MAP7D1: variants seen among roughly 807,000 people sequenced by gnomAD.
MAP7D1 encodes the protein MAP7 domain containing 1.
A neutral mutation model predicts 97.5 loss-of-function variants in MAP7D1; 30 were observed. The ratio of observed to expected loss-of-function variants is 0.31; its 90% CI spans 0.23 to 0.42. The LOEUF (loss-of-function observed/expected upper bound fraction) is 0.42, where lower values mean the gene tolerates loss of function less well. MAP7D1 is among the 10% of genes least tolerant of loss of function. MAP7D1 has a pLI of 1.00. For missense variants in MAP7D1, 1,184 were observed against 1,179.5 expected (o/e 1.00, Z -0.06); for synonymous variants, 536 against 477.1 (o/e 1.12, Z -1.61).
chr1:36,162,251 C>T (rs1461104611), intron 1 of MAP7D1, among the ~76,000 whole-genome samples: 1 of 152,172 alleles, frequency 6.6e-6, no homozygotes, highest in East Asian at 1.9e-4. Flanking sequence ...CTGTTCTCCC[C>T]TACCTCACTT....
At chr1:36,165,923 T>G (rs1182574147) in intron 1 of MAP7D1, among the ~76,000 whole-genome samples, 1 of 151,952 alleles carries the variant, frequency 6.6e-6, no homozygotes, top group African/African-American at 2.4e-5. Flanking sequence ...GTAGACGGGA[T>G]TTCGCCATTG....
At position 36,178,730 on chromosome 1, in the gene MAP7D1, G is replaced by A. The variant is rs1255475440; in HGVS notation, c.1932G>A (p.Ala644=). 2 of 1,541,534 alleles carry A rather than the reference G, an allele frequency of 1.3e-6. No homozygotes were observed. The highest frequency in any genetic ancestry group is 1.7e-6 in the Non-Finnish European group (2 of 1,143,840). ...TGGCACGGGAGGCCGAGGCCCGGGC[G>A]GAGCGGGAGGCGGAGGCCCGGAGGC... ...EQLAREAEAR[A]EREAEARRRE... The change falls in exon 11 of 17, where the codon GCG becomes GCA. Residue 644 remains alanine, a synonymous_variant. Transcript: ENST00000474796.
Position 36,178,169 on chromosome 1 carries a change from A to G in MAP7D1, c.1676A>G (p.Gln559Arg), listed in dbSNP as rs1181952735. The G allele has an allele frequency of 1.6e-6, 2 of 1,248,664 alleles. No homozygotes were observed. Among genetic ancestry groups the G allele is most frequent in the African/African-American group, 3.2e-5 (2 of 63,212 alleles). The allele number at this position is 1,248,664 out of a possible 1,614,324, so 77.3% of individuals were successfully genotyped here. The change falls in exon 9 of 17, where the codon CAG becomes CGG. Residue 559 changes from glutamine (Q) to arginine (R), a missense_variant. Physicochemically the swap from Gln to Arg is conservative, Grantham distance 43 (BLOSUM62 1). Coordinates refer to ENST00000474796, the MANE Select transcript of MAP7D1 (RefSeq NM_001388490.1). ...PAPSPTPAPP[Q>R]KEQPPAETPT... ...CCCTCGCCCACCCCAGCCCCGCCCC[A>G]GAAGGAGCAGCCCCCCGCGGAGACC...
At position 36,171,098 on chromosome 1, in the gene MAP7D1, C is replaced by G; in HGVS notation, c.174C>G (p.Ala58=). The change falls in exon 2 of 17, where the codon GCC becomes GCG. Residue 58 remains alanine, a synonymous_variant. Transcript: ENST00000474796. ...ACACCCCTCCTGCCATGAAGAATGC[C>G]ACTAGCTCTAAGCAGCTCCCACTGG... ...PPDTPPAMKN[A]TSSKQLPLEP... 6.2e-7 allele frequency: 1 copy of G among 1,613,534 alleles called. No individual in the cohort carries two copies. The highest frequency in any genetic ancestry group is 8.5e-7 in the Non-Finnish European group (1 of 1,179,720).
chr1:36,165,729 C>T (rs1254979775), intron 1 of MAP7D1, among the ~76,000 whole-genome samples: 2 of 118,262 alleles, frequency 1.7e-5, no homozygotes, highest in African/African-American at 3.3e-5. Flanking sequence ...CAGTTTGTAG[C>T]TTTTTTTTTT....
rs780204679 is a variant in MAP7D1 at position 36,177,899 on chromosome 1, C to T, written c.1406C>T (p.Ser469Phe). ...LSPKSKARPS[S>F]PSTSWHRPAS... Reference sequence around the variant, plus strand: ...CCCAAATCCAAGGCCAGGCCATCCTCTCCCTCCACATCCTGGCACAGGCCT... The same window carrying T: ...CCCAAATCCAAGGCCAGGCCATCCTTTCCCTCCACATCCTGGCACAGGCCT... The change falls in exon 9 of 17, where the codon TCT becomes TTT. Residue 469 changes from serine (S) to phenylalanine (F), a missense_variant. Physicochemically the swap from Ser to Phe is radical, Grantham distance 155. Transcript: ENST00000474796. 1.0e-5 allele frequency: 16 copies of T among 1,542,308 alleles called. No individual in the cohort carries two copies. The highest frequency in any genetic ancestry group is 1.4e-5 in the Non-Finnish European group (16 of 1,144,524).
chr1:36,179,418 G>T (rs1275308582), intron 13 of MAP7D1, 97 bp from the exon 14 acceptor site: 1 of 1,574,424 alleles, frequency 6.4e-7, no homozygotes, highest in Non-Finnish European at 8.7e-7. Context: ...CTGTCAGGGA[G>T]GCCGCTGCGG....
chr1:36,170,430 GA>G (rs1374813178), intron 1 of MAP7D1, among the ~76,000 whole-genome samples: 5 of 152,232 alleles, frequency 3.3e-5, no homozygotes, highest in African/African-American at 1.2e-4. Flanking sequence ...TCTGTGAACA[GA>G]CCTTGGGTTG....
Position 36,176,866 on chromosome 1 carries a change from C to A in MAP7D1, c.1379+24C>A, listed in dbSNP as rs1644634753. The A allele has an allele frequency of 2.6e-6, 4 of 1,551,740 alleles. No homozygotes were observed. Among genetic ancestry groups the A allele is most frequent in the Non-Finnish European group, 3.5e-6 (4 of 1,142,506 alleles). On this transcript the variant is annotated intron_variant, in intron 8 of 16. Transcript: ENST00000474796. The surrounding 1 kb of genome is among the most constrained non-coding windows in gnomAD (Gnocchi z 6.1). ...AGGTGGGCGCGGGCGGTGCGAGGGA[C>A]CCTGCCCCTCACCGGGTCATTTATT...
At position 36,156,357 on chromosome 1, in the gene MAP7D1, G is replaced by C. The variant is rs1196235561; in HGVS notation, c.-61G>C. On this transcript the variant is annotated 5_prime_UTR_variant, in exon 1 of 17. Transcript: ENST00000474796. ...TGATGCGCCGCGGGACCCCTGTCCTGGCCACTGGCCGCCGCCGCCGCCGCC... is the reference window on the plus strand; with the variant it reads ...TGATGCGCCGCGGGACCCCTGTCCTCGCCACTGGCCGCCGCCGCCGCCGCC... 1 of 1,424,274 alleles carries C rather than the reference G, an allele frequency of 7.0e-7. No homozygotes were observed. The highest frequency in any genetic ancestry group is 9.3e-7 in the Non-Finnish European group (1 of 1,074,392). The allele number at this position is 1,424,274 out of a possible 1,614,324, so 88.2% of individuals were successfully genotyped here.
Position 36,164,556 on chromosome 1 carries a change from G to A in MAP7D1, c.47-6415G>A, listed in dbSNP as rs180865276. Reference sequence around the variant, plus strand: ...TGTGCAAAGGCCCTGTGGCAGGAGGGAGTGTGGATGGTCATCAGCATTAAA... The same window carrying A: ...TGTGCAAAGGCCCTGTGGCAGGAGGAAGTGTGGATGGTCATCAGCATTAAA... On this transcript the variant is annotated intron_variant, in intron 1 of 16. Coordinates refer to ENST00000474796, the MANE Select transcript of MAP7D1 (RefSeq NM_001388490.1). Among the ~76,000 whole-genome samples, 5 of 152,346 alleles carry A rather than the reference G, an allele frequency of 3.3e-5. No homozygotes were observed. In the East Asian group the frequency reaches 9.6e-4, roughly 29 times the overall value.
Position 36,171,566 on chromosome 1 carries a change from C to T in MAP7D1, c.445C>T (p.Arg149Trp), listed in dbSNP as rs887307554. ...HKLAKERREE[R>W]AKYLAAKKAV... The stretch of plus-strand genomic sequence containing the variant: ...GCTGGCAAAGGAGCGGCGAGAAGAG[C>T]GGGCCAAGTACCTGGGTGAGTGAGC... The change falls in exon 3 of 17, where the codon CGG (arginine) becomes TGG (tryptophan). Residue 149 changes from arginine (R) to tryptophan (W), a missense_variant. Coordinates refer to ENST00000474796, the MANE Select transcript of MAP7D1 (RefSeq NM_001388490.1). The T allele has an allele frequency of 7.4e-6, 12 of 1,613,942 alleles. No individual in the cohort carries two copies. The highest frequency in any genetic ancestry group is 6.7e-5 in the Admixed American group (4 of 59,996).
chr1:36,158,276 G>C (rs904339419), intron 1 of MAP7D1, among the ~76,000 whole-genome samples: 4 of 152,082 alleles, frequency 2.6e-5, no homozygotes, highest in African/African-American at 9.7e-5. Flanking sequence ...GGATCAGGAT[G>C]GTGGCAGTTC....
chr1:36,177,524 AAACAAC>A (rs200413506), intron 8 of MAP7D1: 22 of 548,402 alleles, frequency 4.0e-5, no homozygotes, highest in Middle Eastern at 2.8e-4. Context: ...TCTGTCTTAA[AAACAAC>A]AACAACAACA....
chr1:36,170,991 C>T lies in MAP7D1; in HGVS notation c.67C>T (p.Pro23Ser). 1 of 1,518,734 alleles carries T rather than the reference C, an allele frequency of 6.6e-7. No individual in the cohort carries two copies. The highest frequency in any genetic ancestry group is 9.1e-7 in the Non-Finnish European group (1 of 1,104,414). The allele number at this position is 1,518,734 out of a possible 1,614,324, so 94.1% of individuals were successfully genotyped here. Reference protein sequence around the residue: ...APPAVVARTPPEPRPSPEGDP... With the variant: ...APPAVVARTPSEPRPSPEGDP... ...TTCAGCTGTGGTCGCCAGGACCCCCCCAGAGCCAAGACCTTCTCCAGAAGG... is the reference window on the plus strand; with the variant it reads ...TTCAGCTGTGGTCGCCAGGACCCCCTCAGAGCCAAGACCTTCTCCAGAAGG... The change falls in exon 2 of 17, where the codon CCA (proline) becomes TCA (serine). Residue 23 changes from proline to serine, a missense_variant. Coordinates refer to ENST00000474796, the MANE Select transcript of MAP7D1 (RefSeq NM_001388490.1).
chr1:36,180,394 A>C lies in MAP7D1; in HGVS notation c.*136A>C. The stretch of plus-strand genomic sequence containing the variant: ...GGGGTGGGTCCTCTCTGTTGTTTTT[A>C]ATCTGCACCTTATAGACTGATGTCT... On this transcript the variant is annotated 3_prime_UTR_variant, in exon 17 of 17. Transcript: ENST00000474796. 1 of 1,179,066 alleles carries C rather than the reference A, an allele frequency of 8.5e-7. No individual in the cohort carries two copies. Among genetic ancestry groups the C allele is most frequent in the Admixed American group, 1.7e-5 (1 of 57,704 alleles). The allele number at this position is 1,179,066 out of a possible 1,614,324, so 73.0% of individuals were successfully genotyped here. A position where few individuals can be genotyped will look rare whatever the true frequency, so the allele number is the denominator to read the frequency against.
rs1397246709 is a variant in MAP7D1, at chr1:36,180,049, C to T, written c.2494C>T (p.Gln832Ter). 6.2e-7 allele frequency: 1 copy of T among 1,613,900 alleles called. No individual in the cohort carries two copies. Among genetic ancestry groups the T allele is most frequent in the East Asian group, 2.2e-5 (1 of 44,890 alleles). Residue 832 changes from glutamine (Q) to a stop codon, truncating the protein, a stop_gained, in exon 16 of 17, where the codon CAG (glutamine) becomes TAG (stop). Transcript: ENST00000474796. LOFTEE classifies it high-confidence loss of function. The stretch of plus-strand genomic sequence containing the variant: ...AGCCTTCCTCAAGAAAGCTGTGGTG[C>T]AGTCCCCGCAGGTCACAGGTAGATC... ...AEAFLKKAVV[Q>*]SPQVTEVL is the part of the protein sequence containing the mutation.
In MAP7D1 at chr1:36,172,476, C is replaced by G; in HGVS notation, c.473C>G (p.Ala158Gly). 1 of 1,583,750 alleles carries G rather than the reference C, an allele frequency of 6.3e-7. No individual in the cohort carries two copies. The highest frequency in any genetic ancestry group is 8.6e-7 in the Non-Finnish European group (1 of 1,158,058). ...CCTTTGTCCACAGCGGCCAAGAAGG[C>G]AGTGTGGCTGGAGAAGGAGGAGAAG... ...ERAKYLAAKK[A>G]VWLEKEEKAK... Residue 158 changes from alanine to glycine, a missense_variant, in exon 4 of 17, where the codon GCA becomes GGA. Physicochemically the swap from Ala to Gly is moderately conservative, Grantham distance 60 (BLOSUM62 0). Coordinates refer to ENST00000474796, the MANE Select transcript of MAP7D1 (RefSeq NM_001388490.1).
chr1:36,157,592 A>C (rs995276391), intron 1 of MAP7D1, among the ~76,000 whole-genome samples: 1 of 152,062 alleles, frequency 6.6e-6, no homozygotes, highest in African/African-American at 2.4e-5. Context: ...TTGAAGACCC[A>C]AGTTCTGTTC....
Sources: allele counts gnomAD v4.1 joint callset (sites outside exome capture counted in the v4.1 genomes callset), GRCh38; gene constraint gnomAD v4.1.1; non-coding constraint Gnocchi (gnomAD v3.1); transcripts MANE v1.5; gene names NCBI Gene and HGNC (gene_info 2026-07-23, HGNC 2026-07-21).